The following GRIN3A variants were observed in gnomAD, a reference collection of about 807,000 sequenced individuals.
GRIN3A encodes glutamate receptor ionotropic, NMDA 3A.
In GRIN3A, 47 loss-of-function variants were observed where a neutral mutation model predicts 92.4. The observed-to-expected ratio is 0.51, with a 90% CI of 0.40 to 0.65. The LOEUF is 0.65. GRIN3A is among the 30% of genes least tolerant of loss of function. The pLI is 0.00. For missense variants in GRIN3A, 1,324 were observed against 1,393.1 expected, an observed-to-expected ratio of 0.95 and a Z score of 0.79; for synonymous variants, 527 against 540.6, an observed-to-expected ratio of 0.97 and a Z score of 0.35.
chr9:101,626,195 A>G (rs1268655339), intron 4 of GRIN3A, among the ~76,000 whole-genome samples: 1 of 152,224 alleles, frequency 6.6e-6, no homozygotes, highest in Non-Finnish European at 1.5e-5. Flanking sequence ...GTCTTTTCTT[A>G]AGCATTATTT....
chr9:101,595,071 C>G, intron 6 of GRIN3A: 63 of 443,716 alleles, frequency 1.4e-4, no homozygotes, highest in South Asian at 8.7e-4. Flanking sequence ...GGCAGGGGAG[C>G]GGAGGGAGGG....
At chr9:101,713,011 T>C (rs556909035) in intron 1 of GRIN3A, among the ~76,000 whole-genome samples, 6 of 152,320 alleles carry the variant, frequency 3.9e-5, no homozygotes, top group Non-Finnish European at 8.8e-5. Context: ...CCACTAGTAA[T>C]TGGCAGAGAT....
chr9:101,657,557 A>T (rs1486791506), intron 3 of GRIN3A, among the ~76,000 whole-genome samples: 1 of 151,950 alleles, frequency 6.6e-6, no homozygotes, highest in East Asian at 1.9e-4. Context: ...GTAACGATGA[A>T]GAGATTTAAC....
At chr9:101,677,941 C>T (rs1416812730) in intron 2 of GRIN3A, among the ~76,000 whole-genome samples, 2 of 152,110 alleles carry the variant, frequency 1.3e-5, no homozygotes, top group Non-Finnish European at 2.9e-5. Flanking sequence ...GACTATAAGG[C>T]CCTCAAAGGC....
At chr9:101,627,546 T>G (rs1056164311) in intron 4 of GRIN3A, among the ~76,000 whole-genome samples, 5 of 152,162 alleles carry the variant, frequency 3.3e-5, no homozygotes, top group Non-Finnish European at 7.3e-5. Context: ...CTTGATTCCA[T>G]CGAGCAGGAG....
At chr9:101,599,031 G>C (rs1278245404) in intron 6 of GRIN3A, among the ~76,000 whole-genome samples, 1 of 152,196 alleles carries the variant, frequency 6.6e-6, no homozygotes, top group African/African-American at 2.4e-5. Context: ...GGTAGGAAAG[G>C]GTAATGGAGA....
Position 101,571,043 on chromosome 9 carries a change from C to T in GRIN3A, c.*2131G>A. 6.6e-6 allele frequency: 1 copy of T among 152,344 alleles called. No individual in the cohort carries two copies. The highest frequency in any genetic ancestry group is 1.5e-5 in the Non-Finnish European group (1 of 68,082). The allele number at this position is 152,344 out of a possible 1,614,324, so 9.4% of individuals were successfully genotyped here. On this transcript the variant is annotated 3_prime_UTR_variant, in exon 9 of 9. Transcript: ENST00000361820. ...GTGGCAGAGTCTCCAGCATTCTTAG[C>T]TGGTACAAGTGGGTGGGGATGGCTA...
At chr9:101,621,405 G>A (rs1828553181) in intron 5 of GRIN3A, among the ~76,000 whole-genome samples, 1 of 151,990 alleles carries the variant, frequency 6.6e-6, no homozygotes, top group African/African-American at 2.4e-5. Context: ...GTATTTTACT[G>A]AGTTATGTTT....
At chr9:101,573,562 A>G (rs1229168590) in intron 8 of GRIN3A, 49 bp from the exon 9 acceptor site, 2 of 1,424,572 alleles carry the variant, frequency 1.4e-6, no homozygotes, top group Non-Finnish European at 2.0e-6. Context: ...GCAGCTCTCA[A>G]GGTGCTGTCT....
intron 1 of GRIN3A, among the ~76,000 whole-genome samples, chr9:101,732,071 C>T (rs1830145269): frequency 6.6e-6 from 1 of 152,314 alleles, no homozygotes; most frequent in South Asian, 2.1e-4. Flanking sequence ...TGAGATTTCT[C>T]ATCTCTATAT....
intron 3 of GRIN3A, among the ~76,000 whole-genome samples, chr9:101,647,691 A>G (rs1828957115): frequency 6.6e-6 from 1 of 151,786 alleles, no homozygotes; most frequent in Non-Finnish European, 1.5e-5. Context: ...TAGTCTGTTC[A>G]GGTTTTCTAT....
rs770746268 is a variant in GRIN3A, at chr9:101,670,311, A to G, written c.2101T>C (p.Phe701Leu). The G allele has an allele frequency of 1.9e-6, 3 of 1,613,930 alleles. No individual in the cohort carries two copies. In the East Asian group the frequency reaches 6.7e-5, roughly 36 times the overall value. The change falls in exon 3 of 9, where the codon TTT (phenylalanine) becomes CTT (leucine). Residue 701 changes from phenylalanine to leucine, a missense_variant. By Grantham distance (22) the Phe-to-Leu change is conservative. Coordinates refer to ENST00000361820, the MANE Select transcript of GRIN3A (RefSeq NM_133445.3). The stretch of plus-strand genomic sequence containing the variant: ...TTTCGCCCCTTGGGAGTCAAACCAA[A>G]TGGACTCTTCCATTCATACAGAGTG... Reference protein sequence around the residue: ...FLTLYEWKSPFGLTPKGRNRS... With the variant: ...FLTLYEWKSPLGLTPKGRNRS...
chr9:101,704,598 G>T (rs1423940473), intron 1 of GRIN3A, among the ~76,000 whole-genome samples: 1 of 152,082 alleles, frequency 6.6e-6, no homozygotes, highest in African/African-American at 2.4e-5. Context: ...CCACTCTTTT[G>T]CCATGCTGGG....
chr9:101,585,453 C>T (rs566814175), intron 6 of GRIN3A, among the ~76,000 whole-genome samples: 1 of 152,282 alleles, frequency 6.6e-6, no homozygotes, highest in South Asian at 2.1e-4. Flanking sequence ...TGCCTCTTTA[C>T]TTAGGTAATG....
chr9:101,588,958 T>G (rs962105689), intron 6 of GRIN3A, among the ~76,000 whole-genome samples: 1 of 151,534 alleles, frequency 6.6e-6, no homozygotes, highest in South Asian at 2.1e-4. Context: ...ACAATAAAAA[T>G]TTTGTGTATA....
intron 6 of GRIN3A, among the ~76,000 whole-genome samples, chr9:101,583,183 G>A (rs375019323): frequency 4.7e-4 from 71 of 152,226 alleles, no homozygotes; most frequent in African/African-American, 1.6e-3. Flanking sequence ...TCCAGGCTGC[G>A]GATCCAGGAC....
intron 1 of GRIN3A, among the ~76,000 whole-genome samples, chr9:101,705,962 A>G (rs184499853): frequency 5.9e-5 from 9 of 152,338 alleles, no homozygotes; most frequent in Admixed American, 5.2e-4. Context: ...AATATTTTCA[A>G]TCATTACATT....
chr9:101,586,322 C>T (rs1170740364), intron 6 of GRIN3A, among the ~76,000 whole-genome samples: 1 of 152,158 alleles, frequency 6.6e-6, no homozygotes, highest in Non-Finnish European at 1.5e-5. Context: ...TCGATACATA[C>T]TCTTGTTTAG....
At chr9:101,709,805 C>A (rs899210133) in intron 1 of GRIN3A, among the ~76,000 whole-genome samples, 3 of 152,092 alleles carry the variant, frequency 2.0e-5, no homozygotes, top group African/African-American at 4.8e-5. Flanking sequence ...AATTATTATA[C>A]AAGTACCCAA....
Sources: gnomAD v4.1 joint callset for allele counts (sites outside exome capture counted in the v4.1 genomes callset) on GRCh38, gnomAD v4.1.1 for gene constraint, MANE v1.5 for transcripts, NCBI Gene and HGNC (gene_info 2026-07-23, HGNC 2026-07-21) for gene names.